The following PLCB4 variants were observed in gnomAD, a reference collection of about 807,000 sequenced individuals.
The protein encoded by PLCB4 is phospholipase C beta 4.
Under a neutral mutation model 178.8 loss-of-function variants are expected in PLCB4, and 77 were observed. The observed-to-expected ratio is 0.43, with a 90% CI of 0.36 to 0.52. PLCB4 has a LOEUF of 0.52. Among genes scored for constraint, PLCB4 ranks in the 20% least tolerant of loss-of-function variants. The pLI is 0.00. For synonymous variants in PLCB4, 496 were observed against 490.8 expected, an observed-to-expected ratio of 1.01 and a Z score of -0.14; for missense variants, 1,024 against 1,453.4, an observed-to-expected ratio of 0.70 and a Z score of 4.80.
chr20:9,110,628 A>G (rs1487019618), intron 2 of PLCB4, among the ~76,000 whole-genome samples: 1 of 152,162 alleles, frequency 6.6e-6, no homozygotes, highest in Admixed American at 6.5e-5. Flanking sequence ...AACAGTATTT[A>G]AGCTGACTAC....
intron 2 of PLCB4, among the ~76,000 whole-genome samples, chr20:9,119,180 A>G (rs1037623462): frequency 5.3e-5 from 8 of 152,150 alleles, no homozygotes; most frequent in African/African-American, 1.9e-4. Context: ...TTGCCCTCAC[A>G]CTATTTTAAT....
At chr20:9,432,424 G>A (rs1204586724) in intron 28 of PLCB4, among the ~76,000 whole-genome samples, 2 of 152,202 alleles carry the variant, frequency 1.3e-5, no homozygotes, top group Non-Finnish European at 2.9e-5. Flanking sequence ...AAATTAGCGA[G>A]TATTTGTTTC....
intron 24 of PLCB4, 151 bp downstream of exon 24, chr20:9,409,332 AT>A: frequency 2.0e-6 from 1 of 505,964 alleles, no homozygotes. Context: ...ATGGTGAGAA[AT>A]AAAAAAAAAA....
intron 30 of PLCB4, among the ~76,000 whole-genome samples, chr20:9,438,257 T>C (rs368823291): frequency 6.6e-6 from 1 of 151,440 alleles, no homozygotes; most frequent in East Asian, 2.0e-4. Flanking sequence ...TCCCAGCTGC[T>C]CAGGAGGCTG....
At position 9,269,617 on chromosome 20, in the gene PLCB4, G is replaced by C. The variant is rs918241752; in HGVS notation, c.-15-38183G>C. Among the ~76,000 whole-genome samples, 7 of 151,604 alleles carry C rather than the reference G, an allele frequency of 4.6e-5. 1 individual carries two copies. In the South Asian group the frequency reaches 8.6e-4, roughly 19 times the overall value. On this transcript the variant is annotated intron_variant, in intron 3 of 39. Transcript: ENST00000378473. ...GAAACTTCTGAATAATTCTGTCATA[G>C]AAAGATCCACGACAGGGAACATTTT...
At chr20:9,447,081 C>T (rs1602817375) in intron 32 of PLCB4, among the ~76,000 whole-genome samples, 2 of 152,190 alleles carry the variant, frequency 1.3e-5, no homozygotes, top group African/African-American at 4.8e-5. Flanking sequence ...AGTGGCAATA[C>T]TAGCTTGTAC....
chr20:9,342,670 T>TC (rs1486387609), intron 7 of PLCB4, among the ~76,000 whole-genome samples: 15 of 151,232 alleles, frequency 9.9e-5, no homozygotes, highest in Non-Finnish European at 2.2e-4. Flanking sequence ...TTTTTTTTTT[T>TC]CCCCCTGTAC....
At position 9,473,380 on chromosome 20, in the gene PLCB4, A is replaced by C; in HGVS notation, c.3495+15A>C. ...AGAATGAGCAGGTATTTTACCTAAA[A>C]TACGTAAAAACATGCAGGCAGCTAG... is the stretch of plus-strand genomic sequence containing the variant. On this transcript the variant is annotated intron_variant, in intron 38 of 39. Coordinates refer to ENST00000378473, the MANE Select transcript of PLCB4 (RefSeq NM_001377142.1). 1 of 1,486,198 alleles carries C rather than the reference A, an allele frequency of 6.7e-7. No homozygotes were observed. The highest frequency in any genetic ancestry group is 9.3e-7 in the Non-Finnish European group (1 of 1,071,956). The allele number at this position is 1,486,198 out of a possible 1,614,324, so 92.1% of individuals were successfully genotyped here.
At chr20:9,282,505 T>G (rs1393852247) in intron 3 of PLCB4, among the ~76,000 whole-genome samples, 2 of 151,914 alleles carry the variant, frequency 1.3e-5, no homozygotes, top group African/African-American at 2.4e-5. Context: ...CTCCCTGCCT[T>G]TTTATTTTGG....
chr20:9,318,760 G>A (rs2094927994), intron 4 of PLCB4, among the ~76,000 whole-genome samples: 1 of 152,204 alleles, frequency 6.6e-6, no homozygotes, highest in Non-Finnish European at 1.5e-5. Context: ...TACAATTTTT[G>A]CAAAGGCAGT....
chr20:9,070,162 A>G (rs955571235), intron 1 of PLCB4, among the ~76,000 whole-genome samples: 5 of 152,174 alleles, frequency 3.3e-5, no homozygotes, highest in African/African-American at 1.2e-4. Flanking sequence ...TCATTTTAAA[A>G]TGATATTGAA....
chr20:9,143,284 A>G (rs766813102), intron 2 of PLCB4, among the ~76,000 whole-genome samples: 10 of 152,168 alleles, frequency 6.6e-5, no homozygotes, highest in Non-Finnish European at 1.3e-4. Context: ...TGTATCATGC[A>G]TGGACATCTT....
At chr20:9,165,292 C>G (rs1026698845) in intron 2 of PLCB4, among the ~76,000 whole-genome samples, 4 of 152,170 alleles carry the variant, frequency 2.6e-5, no homozygotes, top group Non-Finnish European at 4.4e-5. Context: ...ATTCGCTATA[C>G]TTTCATTTGG....
chr20:9,076,416 G>A (rs751854461), intron 1 of PLCB4, among the ~76,000 whole-genome samples: 3 of 152,126 alleles, frequency 2.0e-5, no homozygotes, highest in South Asian at 2.1e-4. Context: ...GCAGTGAGCC[G>A]AGATCACATA....
intron 28 of PLCB4, among the ~76,000 whole-genome samples, chr20:9,432,548 C>T (rs1171765022): frequency 1.3e-5 from 2 of 152,160 alleles, no homozygotes; most frequent in African/African-American, 4.8e-5. Flanking sequence ...TATATCTCCT[C>T]CAAAGAAGGG....
At chr20:9,076,139 G>GT (rs2089852929) in intron 1 of PLCB4, among the ~76,000 whole-genome samples, 1 of 152,044 alleles carries the variant, frequency 6.6e-6, no homozygotes, top group African/African-American at 2.4e-5. Flanking sequence ...GGAAGGGCAT[G>GT]TTTTTTCCTC....
intron 2 of PLCB4, among the ~76,000 whole-genome samples, chr20:9,160,321 G>A (rs1359788398): frequency 6.6e-6 from 1 of 152,096 alleles, no homozygotes; most frequent in Non-Finnish European, 1.5e-5. Flanking sequence ...GATGAAAGAA[G>A]TCCAGGATAG....
At chr20:9,421,566 T>C in intron 27 of PLCB4, 105 bp downstream of exon 27, 1 of 861,650 alleles carries the variant, frequency 1.2e-6, no homozygotes, top group Non-Finnish European at 1.8e-6. Flanking sequence ...CGACAACATC[T>C]TCTTTTTCTC....
chr20:9,478,815 G>A, intron 39 of PLCB4, 106 bp from the exon 40 acceptor site: 1 of 804,888 alleles, frequency 1.2e-6, no homozygotes, highest in South Asian at 1.5e-5. Flanking sequence ...TGAGTAGCAA[G>A]GATGTGGTGA....
Sources: gnomAD v4.1 joint callset for allele counts (sites outside exome capture counted in the v4.1 genomes callset) on GRCh38, gnomAD v4.1.1 for gene constraint, MANE v1.5 for transcripts, NCBI Gene and HGNC (gene_info 2026-07-23, HGNC 2026-07-21) for gene names.